GALNT13: variants seen among roughly 807,000 people sequenced by gnomAD.
GALNT13 encodes polypeptide N-acetylgalactosaminyltransferase 13.
In GALNT13, 28 loss-of-function variants were observed where a neutral mutation model predicts 64.2. The ratio of observed to expected loss-of-function variants is 0.44; its 90% CI spans 0.32 to 0.60. The LOEUF is 0.60. Ranked by LOEUF, GALNT13 falls within the 20% of genes least tolerant of loss-of-function variation. The pLI, the probability that GALNT13 is intolerant of heterozygous loss-of-function variation, is 0.05. For synonymous variants in GALNT13, 214 were observed against 224.6 expected (o/e 0.95, Z 0.42); for missense variants, 577 against 669.8 (o/e 0.86, Z 1.53).
intron 4 of GALNT13, among the ~76,000 whole-genome samples, chr2:154,238,335 C>T (rs746959122): frequency 7.9e-5 from 12 of 151,930 alleles, no homozygotes; most frequent in South Asian, 2.1e-4. Context: ...ATTCATAAGT[C>T]GAGCATAACA....
At chr2:153,352,689 C>T in the GALNT13 span, among the ~76,000 whole-genome samples, 1 of 152,128 alleles carries the variant, frequency 6.6e-6, no homozygotes, top group Middle Eastern at 3.4e-3. Flanking sequence ...TTCCGTTGTT[C>T]CAGCACCATT....
the GALNT13 span, among the ~76,000 whole-genome samples, chr2:153,792,958 TTTTC>T: frequency 1.4e-5 from 2 of 146,942 alleles, no homozygotes; most frequent in Non-Finnish European, 3.0e-5. Context: ...GTAACATTTC[TTTTC>T]TTTCTTTCTT....
At chr2:153,190,767 A>T in the GALNT13 span, among the ~76,000 whole-genome samples, 11 of 151,890 alleles carry the variant, frequency 7.2e-5, no homozygotes, top group East Asian at 1.7e-3. Context: ...TTAGTGTTTT[A>T]TAGGTTTTGT....
At chr2:154,052,558 G>A (rs892038238) in intron 3 of GALNT13, among the ~76,000 whole-genome samples, 6 of 151,456 alleles carry the variant, frequency 4.0e-5, no homozygotes, top group African/African-American at 1.5e-4. Context: ...TCAACTCCTT[G>A]AGGTGAGTGA....
intron 8 of GALNT13, among the ~76,000 whole-genome samples, chr2:154,294,104 G>A (rs759089797): frequency 2.6e-5 from 4 of 152,214 alleles, no homozygotes; most frequent in Admixed American, 6.5e-5. Flanking sequence ...ACAGATGGCT[G>A]ATGGGAGAAG....
the GALNT13 span, among the ~76,000 whole-genome samples, chr2:153,663,451 GA>G: frequency 2.0e-5 from 3 of 150,876 alleles, no homozygotes; most frequent in South Asian, 2.1e-4. Context: ...GCCCATGTCA[GA>G]AAAAAAAAGT....
chr2:153,786,091 T>A, the GALNT13 span, among the ~76,000 whole-genome samples: 1 of 151,830 alleles, frequency 6.6e-6, no homozygotes, highest in Non-Finnish European at 1.5e-5. Flanking sequence ...CCAGGGGCAA[T>A]TCCTCACTTC....
chr2:153,093,251 T>G, the GALNT13 span, among the ~76,000 whole-genome samples: 1 of 149,744 alleles, frequency 6.7e-6, no homozygotes. Context: ...CTTTTTTTTT[T>G]TTGTGGACAT....
chr2:154,420,130 C>T (rs915164304), intron 11 of GALNT13, among the ~76,000 whole-genome samples: 3 of 152,130 alleles, frequency 2.0e-5, no homozygotes, highest in African/African-American at 4.8e-5. Flanking sequence ...AACCCCACTA[C>T]ATACACACAC....
the GALNT13 span, among the ~76,000 whole-genome samples, chr2:153,640,197 T>A: frequency 1.3e-5 from 2 of 152,064 alleles, no homozygotes; most frequent in Admixed American, 6.6e-5. Context: ...TGGAGAATGA[T>A]AGTTTTTACT....
At chr2:153,625,422 A>G in the GALNT13 span, among the ~76,000 whole-genome samples, 904 of 152,268 alleles carry the variant, frequency 5.9e-3, 9 homozygotes, top group African/African-American at 0.021. Flanking sequence ...CTGTAACAAA[A>G]CACTGTGACA....
At chr2:153,454,567 G>A in the GALNT13 span, among the ~76,000 whole-genome samples, 1 of 152,140 alleles carries the variant, frequency 6.6e-6, no homozygotes, top group Admixed American at 6.5e-5. Context: ...GCATTCCTTA[G>A]CTCAGTGAAT....
chr2:153,526,117 C>T, the GALNT13 span, among the ~76,000 whole-genome samples: 1 of 152,246 alleles, frequency 6.6e-6, no homozygotes, highest in Non-Finnish European at 1.5e-5. Context: ...GCCCCAGGGC[C>T]TGGGGGAGCT....
rs1399480053 is a variant in GALNT13 at position 154,244,145 on chromosome 2, T to TA, written c.686+1242dup. On this transcript the variant is annotated intron_variant, in intron 6 of 12. Transcript: ENST00000392825. ...TTTCATATTCAACTGAATGAGCTTT[T>TA]AATGTTTCAATACGGTCATACATAG... Among the ~76,000 whole-genome samples, 4 of 152,298 alleles carry TA rather than the reference T, an allele frequency of 2.6e-5. No homozygotes were observed. The East Asian group carries it at 7.7e-4, about 29-fold the overall frequency.
intron 4 of GALNT13, among the ~76,000 whole-genome samples, chr2:154,209,910 T>G (rs1293147667): frequency 1.3e-5 from 2 of 152,188 alleles, no homozygotes; most frequent in Non-Finnish European, 2.9e-5. Flanking sequence ...ATACCTTATT[T>G]AACTATAGTC....
At chr2:153,580,181 T>A in the GALNT13 span, among the ~76,000 whole-genome samples, 1 of 152,104 alleles carries the variant, frequency 6.6e-6, no homozygotes, top group Non-Finnish European at 1.5e-5. Context: ...GAGGTAAAAA[T>A]TCACCATTTA....
chr2:154,313,937 T>G (rs906862277), intron 9 of GALNT13, among the ~76,000 whole-genome samples: 1 of 152,130 alleles, frequency 6.6e-6, no homozygotes, highest in African/African-American at 2.4e-5. Flanking sequence ...CTACCCCAAT[T>G]GGATTGGATG....
At chr2:153,115,232 C>T in the GALNT13 span, among the ~76,000 whole-genome samples, 3 of 152,176 alleles carry the variant, frequency 2.0e-5, no homozygotes, top group African/African-American at 4.8e-5. Context: ...ATTTTGTCTG[C>T]TCCATATTCC....
chr2:153,395,584 T>A, the GALNT13 span, among the ~76,000 whole-genome samples: 1 of 152,108 alleles, frequency 6.6e-6, no homozygotes, highest in African/African-American at 2.4e-5. Context: ...CAGTACCAGT[T>A]TAAGAGTTTC....
Sources: gnomAD v4.1 joint callset for allele counts (sites outside exome capture counted in the v4.1 genomes callset) on GRCh38, gnomAD v4.1.1 for gene constraint, MANE v1.5 for transcripts, NCBI Gene and HGNC (gene_info 2026-07-23, HGNC 2026-07-21) for gene names.